ALKBH1: variants seen among roughly 807,000 people sequenced by gnomAD.
The protein encoded by ALKBH1 is nucleic acid dioxygenase ALKBH1.
A neutral mutation model predicts 36.6 loss-of-function variants in ALKBH1; 31 were observed. The ratio of observed to expected loss-of-function variants is 0.85; its 90% CI spans 0.64 to 1.14. ALKBH1 has a LOEUF of 1.14. Ranked by LOEUF, ALKBH1 falls within the 50% of genes most tolerant of loss-of-function variation. The probability of loss-of-function intolerance (pLI) is 0.00; values close to 1 mark genes in which losing one functional copy is unlikely to be tolerated. For synonymous variants in ALKBH1, 183 were observed against 186.6 expected (o/e 0.98, Z 0.16); for missense variants, 490 against 497.3 (o/e 0.99, Z 0.14).
intron 3 of ALKBH1, 112 bp downstream of exon 3, chr14:77,694,626 A>G (rs1346713237): frequency 1.6e-5 from 14 of 853,704 alleles, no homozygotes; most frequent in East Asian, 1.5e-4. Flanking sequence ...CAATGAAGGG[A>G]AAAAAAAACC....
rs906108784 is a variant in ALKBH1 at position 77,707,955 on chromosome 14, T to C, written c.50A>G (p.Glu17Gly). Residue 17 changes from glutamate (E) to glycine (G), a missense_variant, in exon 1 of 6, where the codon GAG becomes GGG. Coordinates refer to ENST00000216489, the MANE Select transcript of ALKBH1 (RefSeq NM_006020.3). ...TTTCCGAAAGGCGTCCTCCCCGGGC[T>C]CAGTCGCCAGAGTCGCCACAGAGCC... The part of the protein sequence containing the change: ...AVGSVATLAT[E>G]PGEDAFRKLF... 6 of 1,613,072 alleles carry C rather than the reference T, an allele frequency of 3.7e-6. No individual in the cohort carries two copies. The African/African-American group carries it at 4.0e-5, about 11-fold the overall frequency.
intron 3 of ALKBH1, among the ~76,000 whole-genome samples, chr14:77,680,677 C>CTCTTTTTTTTTTTTTTTTT (rs774703181): frequency 1.6e-5 from 2 of 124,348 alleles, no homozygotes; most frequent in African/African-American, 3.2e-5. Flanking sequence ...ATTAACTACT[C>CTCTTTTTTTTTTTTTTTTT]TTTTTTTTTT....
At chr14:77,702,889 T>C (rs539193050) in intron 2 of ALKBH1, among the ~76,000 whole-genome samples, 126 of 152,226 alleles carry the variant, frequency 8.3e-4, no homozygotes, top group Admixed American at 2.0e-3. Flanking sequence ...GTGAGGTGTC[T>C]CACGCCTGTA....
At chr14:77,692,144 A>C (rs1336453096) in intron 3 of ALKBH1, among the ~76,000 whole-genome samples, 1 of 152,268 alleles carries the variant, frequency 6.6e-6, no homozygotes, top group Non-Finnish European at 1.5e-5. Flanking sequence ...AAATGGTTTT[A>C]ACAGGCACTT....
chr14:77,692,315 T>C (rs2080301519), intron 3 of ALKBH1, among the ~76,000 whole-genome samples: 1 of 152,016 alleles, frequency 6.6e-6, no homozygotes, highest in East Asian at 1.9e-4. Flanking sequence ...CCAGAACTAG[T>C]GCTCTACATT....
In ALKBH1 at chr14:77,681,187, A is replaced by G. The variant is rs1048969124; in HGVS notation, c.456-1217T>C. Among the ~76,000 whole-genome samples the G allele has an allele frequency of 3.9e-5, 6 of 152,186 alleles. 1 individual carries two copies. The highest frequency in any genetic ancestry group is 3.9e-4 in the Admixed American group (6 of 15,284). ...GATTGTGACAGGAAATGGCAAATGT[A>G]ATAGAAAGTCTAAGGAGAAATTAGA... On this transcript the variant is annotated intron_variant, in intron 3 of 5. Transcript: ENST00000216489.
At chr14:77,680,253 A>T (rs972548409) in intron 3 of ALKBH1, among the ~76,000 whole-genome samples, 2 of 152,226 alleles carry the variant, frequency 1.3e-5, no homozygotes, top group African/African-American at 2.4e-5. Flanking sequence ...AATAAGAATG[A>T]CAACAATGAC....
In ALKBH1 at chr14:77,694,796, T is replaced by C. The variant is rs770851789; in HGVS notation, c.397A>G (p.Lys133Glu). Residue 133 changes from lysine to glutamate, a missense_variant, in exon 3 of 6, where the codon AAA becomes GAA. Physicochemically the swap from Lys to Glu is moderately conservative, Grantham distance 56 (BLOSUM62 1). Transcript: ENST00000216489. ...SQKPNVCNLD[K>E]HMSKEETQDL... Reference sequence around the variant, plus strand: ...TGGGTCTCTTCTTTAGACATGTGTTTGTCCAGGTTACATACATTAGGTTTC... The same window carrying C: ...TGGGTCTCTTCTTTAGACATGTGTTCGTCCAGGTTACATACATTAGGTTTC... The C allele has an allele frequency of 3.3e-5, 53 of 1,609,382 alleles. No homozygotes were observed. The highest frequency in any genetic ancestry group is 4.4e-5 in the Non-Finnish European group (52 of 1,177,986).
At chr14:77,707,794 G>A (rs1481302152) in intron 1 of ALKBH1, 28 bp downstream of exon 1, 2 of 1,565,238 alleles carry the variant, frequency 1.3e-6, no homozygotes, top group Admixed American at 3.8e-5. Flanking sequence ...AAGCGATGGA[G>A]AGACGCGCGC....
chr14:77,704,586 T>A, intron 1 of ALKBH1, 109 bp from the exon 2 acceptor site: 1 of 820,398 alleles, frequency 1.2e-6, no homozygotes, highest in Non-Finnish European at 2.0e-6. Flanking sequence ...CTAGGATTCT[T>A]GTTTAAGATA....
At chr14:77,685,943 T>C (rs2364584) in intron 3 of ALKBH1, among the ~76,000 whole-genome samples, 27,301 of 152,152 alleles carry the variant, frequency 0.18, 2,567 homozygotes, top group East Asian at 0.26. Flanking sequence ...CAATGACATA[T>C]ATATTTTTGT....
chr14:77,675,592 A>T (rs987309805), intron 5 of ALKBH1, 64 bp downstream of exon 5: 6 of 1,443,234 alleles, frequency 4.2e-6, no homozygotes, highest in Middle Eastern at 2.0e-4. Flanking sequence ...ATTTTAGAGT[A>T]AAATGTCTTA....
intron 3 of ALKBH1, among the ~76,000 whole-genome samples, chr14:77,694,107 C>G (rs1207018982): frequency 1.3e-5 from 2 of 152,218 alleles, no homozygotes; most frequent in Non-Finnish European, 2.9e-5. Context: ...CATCATAACA[C>G]TTTCTGAGCT....
intron 4 of ALKBH1, among the ~76,000 whole-genome samples, chr14:77,677,294 C>A (rs2080211623): frequency 6.6e-6 from 1 of 152,174 alleles, no homozygotes; most frequent in Non-Finnish European, 1.5e-5. Flanking sequence ...CCTGCCTCGG[C>A]CTCCCAAAGT....
At chr14:77,675,508 A>G (rs2080200303) in intron 5 of ALKBH1, 148 bp downstream of exon 5, 1 of 566,646 alleles carries the variant, frequency 1.8e-6, no homozygotes, top group Non-Finnish European at 3.0e-6. Flanking sequence ...GATACTAACT[A>G]TAATTTATTA....
In ALKBH1 at chr14:77,674,024, C is replaced by G; in HGVS notation, c.958G>C (p.Glu320Gln). Residue 320 changes from glutamate (E) to glutamine (Q), a missense_variant, in exon 6 of 6, where the codon GAG (glutamate) becomes CAG (glutamine). Transcript: ENST00000216489. ...PAVLPRDSMVEPCSMEDWQVC... is the reference protein window; with the variant it reads ...PAVLPRDSMVQPCSMEDWQVC... ...TGCCAGTCCTCCATAGAACAAGGCT[C>G]TACCATTGAATCTCTCGGGAGGACA... 6.2e-7 allele frequency: 1 copy of G among 1,614,188 alleles called. No individual in the cohort carries two copies. The highest frequency in any genetic ancestry group is 8.5e-7 in the Non-Finnish European group (1 of 1,180,044).
intron 3 of ALKBH1, among the ~76,000 whole-genome samples, chr14:77,680,720 C>T (rs572243071): frequency 7.1e-6 from 1 of 140,984 alleles, no homozygotes; most frequent in African/African-American, 2.7e-5. Flanking sequence ...GCTCTTGTTG[C>T]CCAGGCTGGA....
At chr14:77,675,904 G>C (rs2080202893) in intron 4 of ALKBH1, 55 bp from the exon 5 acceptor site, 2 of 1,405,194 alleles carry the variant, frequency 1.4e-6, no homozygotes, top group Admixed American at 3.6e-5. Context: ...AGGAATACAG[G>C]AAACTATAAG....
intron 4 of ALKBH1, among the ~76,000 whole-genome samples, chr14:77,679,332 C>T (rs1187792798): frequency 6.6e-6 from 1 of 152,172 alleles, no homozygotes; most frequent in Non-Finnish European, 1.5e-5. Flanking sequence ...GTGAGAACTG[C>T]TCTTGAAAAG....
Sources: allele counts gnomAD v4.1 joint callset (sites outside exome capture counted in the v4.1 genomes callset), GRCh38; gene constraint gnomAD v4.1.1; transcripts MANE v1.5; gene names NCBI Gene and HGNC (gene_info 2026-07-23, HGNC 2026-07-21).